The following ARL17A variants were observed in gnomAD, a reference collection of about 807,000 sequenced individuals.
ARL17A encodes the protein ADP-ribosylation factor-like 17-like.
chr17:46,548,948 A>G (rs748172936), downstream of ARL17A: 55 of 1,612,350 alleles, frequency 3.4e-5, 1 homozygote, highest in East Asian at 4.5e-5. Context: ...CAGGTGAGAG[A>G]CAGATGGAAA....
At chr17:46,516,466 G>A (rs1362014943), downstream of ARL17A, among the ~76,000 whole-genome samples, 1 of 144,992 alleles carries the variant, frequency 6.9e-6, no homozygotes, top group Admixed American at 6.9e-5. Flanking sequence ...ACTTTACTTG[G>A]GTCTTAAAGA....
intron 3 of ARL17A, among the ~76,000 whole-genome samples, chr17:46,539,498 C>T (rs1480216641): frequency 1.3e-5 from 2 of 151,228 alleles, no homozygotes; most frequent in African/African-American, 4.9e-5. Context: ...CGCAGTGGCT[C>T]ATGCCAGTAA....
intron 2 of ARL17A, among the ~76,000 whole-genome samples, chr17:46,575,222 G>A (rs2146066147): frequency 8.7e-6 from 1 of 115,248 alleles, no homozygotes; most frequent in Non-Finnish European, 2.0e-5. Context: ...TGGATCTAGA[G>A]GCAGTTCACA....
In ARL17A at chr17:46,557,046, C is replaced by T. The variant is rs1156991112; in HGVS notation, c.*310G>A. On this transcript the variant is annotated 3_prime_UTR_variant, in exon 4 of 4. Coordinates refer to ENST00000336125, the MANE Select transcript of ARL17A (RefSeq NM_001113738.2). ...CGAACGTGCATATGTACCCCCTAAC[C>T]TAAAAGAAAAGTTTAAAAAGGAAAA... 2.4e-6 allele frequency: 1 copy of T among 422,546 alleles called. No individual in the cohort carries two copies. The highest frequency in any genetic ancestry group is 2.5e-5 in the African/African-American group (1 of 40,692). The allele number at this position is 422,546 out of a possible 1,614,324, so 26.2% of individuals were successfully genotyped here. A position where few individuals can be genotyped will look rare whatever the true frequency, so the allele number is the denominator to read the frequency against.
chr17:46,541,778 T>C (rs1240876185), intron 3 of ARL17A, among the ~76,000 whole-genome samples: 5 of 150,978 alleles, frequency 3.3e-5, no homozygotes, highest in Admixed American at 6.6e-5. Context: ...CTGTATTAGG[T>C]ACTTAGAGTA....
At chr17:46,558,365 T>C (rs985556720) in intron 3 of ARL17A, among the ~76,000 whole-genome samples, 3 of 107,272 alleles carry the variant, frequency 2.8e-5, no homozygotes, top group Admixed American at 9.3e-5. Flanking sequence ...TGGCTTGTTT[T>C]GGGTTTTGGG....
intron 4 of ARL17A, among the ~76,000 whole-genome samples, chr17:46,532,520 C>G (rs2053839728): frequency 6.8e-6 from 1 of 146,392 alleles, no homozygotes; most frequent in Admixed American, 6.7e-5. Flanking sequence ...TTGGTAGATT[C>G]ACCAGTGAGG....
intron 3 of ARL17A, among the ~76,000 whole-genome samples, chr17:46,557,971 G>A (rs1282429189): frequency 7.6e-6 from 1 of 131,098 alleles, no homozygotes; most frequent in Non-Finnish European, 1.6e-5. Context: ...TGAGCGGTCT[G>A]CAGGCCATAT....
intron 4 of ARL17A, among the ~76,000 whole-genome samples, chr17:46,534,427 T>C (rs1263994015): frequency 1.4e-4 from 21 of 148,758 alleles, no homozygotes; most frequent in Non-Finnish European, 3.0e-4. Context: ...TTCAAGCATC[T>C]GTTTAACAAA....
chr17:46,534,086 A>T (rs1196684038), intron 4 of ARL17A, among the ~76,000 whole-genome samples: 90 of 138,092 alleles, frequency 6.5e-4, no homozygotes, highest in African/African-American at 2.5e-3. Context: ...ACCACTCACA[A>T]CGTTGCAGCC....
chr17:46,503,001 A>G, the ARL17A span, among the ~76,000 whole-genome samples: 3 of 150,676 alleles, frequency 2.0e-5, no homozygotes, highest in African/African-American at 2.5e-5. Context: ...TCCCGATGTC[A>G]GGAGATGGAG....
intron 4 of ARL17A, among the ~76,000 whole-genome samples, chr17:46,531,478 TGTC>T (rs2053633549): frequency 1.3e-5 from 1 of 78,428 alleles, no homozygotes; most frequent in Non-Finnish European, 2.3e-5. Flanking sequence ...AAAATTGATT[TGTC>T]TTTTTATTGA....
At chr17:46,549,432 A>G (rs750125271), downstream of ARL17A, 2 of 1,225,094 alleles carry the variant, frequency 1.6e-6, no homozygotes, top group South Asian at 2.8e-5. Flanking sequence ...CTGGGACTGC[A>G]TTCAACTTAG....
chr17:46,542,058 GGAGGTTGCAATGAGCC>G (rs2055422036), intron 3 of ARL17A, among the ~76,000 whole-genome samples: 1 of 137,950 alleles, frequency 7.2e-6, no homozygotes, highest in Non-Finnish European at 1.5e-5. Context: ...CTTGAGAGGT[GGAGGTTGCAATGAGCC>G]GAGATTGCAC....
At chr17:46,534,407 GC>G (rs1395330508) in intron 4 of ARL17A, among the ~76,000 whole-genome samples, 1 of 147,316 alleles carries the variant, frequency 6.8e-6, no homozygotes, top group African/African-American at 2.6e-5. Context: ...CTCTTAACGA[GC>G]ATGCTGCTTT....
intron 3 of ARL17A, among the ~76,000 whole-genome samples, chr17:46,542,670 G>C (rs2055587365): frequency 6.7e-6 from 1 of 150,306 alleles, no homozygotes; most frequent in Admixed American, 6.6e-5. Flanking sequence ...ACTCCAGCTT[G>C]GGTGACAGAG....
intron 3 of ARL17A, among the ~76,000 whole-genome samples, chr17:46,522,634 CAG>C: frequency 1.5e-5 from 1 of 65,992 alleles, no homozygotes; most frequent in East Asian, 5.3e-4. Flanking sequence ...TTTGTAGAGA[CAG>C]GGTTTCACCG....
intron 4 of ARL17A, among the ~76,000 whole-genome samples, chr17:46,530,256 G>A (rs1439044671): frequency 2.6e-5 from 3 of 116,472 alleles, no homozygotes; most frequent in East Asian, 2.9e-4. Flanking sequence ...AGGGGTAGCC[G>A]ACTTTGTACA....
intron 4 of ARL17A, among the ~76,000 whole-genome samples, chr17:46,530,422 G>A (rs2053519241): frequency 6.9e-6 from 1 of 144,462 alleles, no homozygotes; most frequent in Non-Finnish European, 1.5e-5. Flanking sequence ...TACAAAACAA[G>A]TTAATGGCAC....
Sources: gnomAD v4.1 joint callset for allele counts (sites outside exome capture counted in the v4.1 genomes callset) on GRCh38, gnomAD v4.1.1 for gene constraint, MANE v1.5 for transcripts, NCBI Gene and HGNC (gene_info 2026-07-23, HGNC 2026-07-21) for gene names.